Variants in CEP164 observed in about 807,000 individuals in gnomAD.
CEP164 encodes centrosomal protein 164, also known as centrosomal protein of 164 kDa.
A neutral mutation model predicts 182.7 loss-of-function variants in CEP164; 162 were observed. That is an observed-to-expected ratio of 0.89 (90% CI 0.78 to 1.01). The LOEUF (loss-of-function observed/expected upper bound fraction) is 1.01, where lower values mean the gene tolerates loss of function less well. Ranked by LOEUF, CEP164 falls within the 50% of genes least tolerant of loss-of-function variation. CEP164 has a pLI of 0.00. For missense variants in CEP164, 1,735 were observed against 1,790.4 expected (o/e 0.97, Z 0.56); for synonymous variants, 661 against 690.0 (o/e 0.96, Z 0.66).
chr11:117,344,436 G>C (rs550153341), intron 4 of CEP164, among the ~76,000 whole-genome samples, 159 bp downstream of exon 4: 67 of 152,162 alleles, frequency 4.4e-4, no homozygotes, highest in African/African-American at 1.6e-3. Flanking sequence ...GCTATTTCAG[G>C]CTTCAGTGTA....
At chr11:117,370,895 A>G (rs1397961787) in intron 8 of CEP164, among the ~76,000 whole-genome samples, 185 bp from the exon 9 acceptor site, 2 of 152,118 alleles carry the variant, frequency 1.3e-5, no homozygotes, top group Non-Finnish European at 2.9e-5. Flanking sequence ...TGGGCGACAG[A>G]GTAAGACTCT....
intron 10 of CEP164, among the ~76,000 whole-genome samples, chr11:117,374,346 T>C (rs2042521850): frequency 6.6e-6 from 1 of 152,172 alleles, no homozygotes; most frequent in Non-Finnish European, 1.5e-5. Context: ...GCCTGCTGTA[T>C]CCTGGTTTCA....
intron 30 of CEP164, chr11:117,410,204 T>A: frequency 1.6e-6 from 1 of 620,750 alleles, no homozygotes. Context: ...GTTGGGACGG[T>A]TTAGATGGAG....
chr11:117,336,748 G>A (rs1487128701), intron 2 of CEP164: 3 of 635,012 alleles, frequency 4.7e-6, no homozygotes, highest in African/African-American at 1.8e-5. Flanking sequence ...CATCCTTGCT[G>A]CTCCAGGAGG....
chr11:117,344,648 C>CACTTACA (rs2038627118), intron 4 of CEP164, among the ~76,000 whole-genome samples: 1 of 152,128 alleles, frequency 6.6e-6, no homozygotes, highest in Non-Finnish European at 1.5e-5. Flanking sequence ...CTGGTCTTGC[C>CACTTACA]GGGTACGGTG....
chr11:117,397,222 A>G lies in CEP164; in HGVS notation c.3410A>G (p.His1137Arg), dbSNP rs369215818. 6.2e-7 allele frequency: 1 copy of G among 1,614,246 alleles called. No individual in the cohort carries two copies. The highest frequency in any genetic ancestry group is 8.5e-7 in the Non-Finnish European group (1 of 1,180,050). ...RQTALKAAQQHWRHELASAQE... is the reference protein window; with the variant it reads ...RQTALKAAQQRWRHELASAQE... The stretch of plus-strand genomic sequence containing the variant: ...ACAGCTCTGAAAGCTGCCCAGCAGC[A>G]TTGGCGCCATGAGCTGGCCAGTGCG... Residue 1137 changes from histidine (H) to arginine (R), a missense_variant, in exon 27 of 33, where the codon CAT (histidine) becomes CGT (arginine). Physicochemically the swap from His to Arg is conservative, Grantham distance 29. Transcript: ENST00000278935.
chr11:117,362,426 C>G lies in CEP164; in HGVS notation c.575C>G (p.Ser192Cys). ...AAGCCTTCACAGGGTCTCAAGACCT[C>G]TGCTTATACAAAGGGTCTCTTGGGC... is the stretch of plus-strand genomic sequence containing the variant. ...LMLPSQGLKT[S>C]AYTKGLLGSI... Residue 192 changes from serine (S) to cysteine (C), a missense_variant, in exon 7 of 33, where the codon TCT (serine) becomes TGT (cysteine). Ser to Cys is a moderately radical substitution (Grantham distance 112). Transcript: ENST00000278935. 1.2e-6 allele frequency: 2 copies of G among 1,613,566 alleles called. No individual in the cohort carries two copies.
intron 4 of CEP164, among the ~76,000 whole-genome samples, chr11:117,349,895 C>G (rs984031136): frequency 2.6e-5 from 4 of 152,068 alleles, no homozygotes; most frequent in Non-Finnish European, 5.9e-5. Context: ...CTGCCTTAGC[C>G]TCCTGAGTAG....
chr11:117,345,889 G>C (rs2038821226), intron 4 of CEP164, among the ~76,000 whole-genome samples: 1 of 152,194 alleles, frequency 6.6e-6, no homozygotes, highest in Non-Finnish European at 1.5e-5. Context: ...GTTTCGCCAT[G>C]TTGGCCAGGC....
chr11:117,336,638 G>A lies in CEP164; in HGVS notation c.-22+958G>A, dbSNP rs1021665660. 48 of 1,127,174 alleles carry A rather than the reference G, an allele frequency of 4.3e-5. 1 individual carries two copies. The Middle Eastern group carries it at 1.1e-3, about 26-fold the overall frequency. 69.8% of individuals were successfully genotyped at this position (1,127,174 alleles called of 1,614,324 possible). ...TGGCATTGGGATTCCACATGTTTAG[G>A]TGTGTCCTCCAGCCTTTCCACGGCT... On this transcript the variant is annotated intron_variant, in intron 2 of 32. Coordinates refer to ENST00000278935, the MANE Select transcript of CEP164 (RefSeq NM_014956.5).
Position 117,411,594 on chromosome 11 carries a change from GGGCCTCCACCACTTTCCC to G in CEP164, c.4164-199_4164-182del. 1 of 620,038 alleles carries G rather than the reference GGGCCTCCACCACTTTCCC, an allele frequency of 1.6e-6. No homozygotes were observed. Among genetic ancestry groups the G allele is most frequent in the Non-Finnish European group, 2.7e-6 (1 of 374,950 alleles). The allele number at this position is 620,038 out of a possible 1,614,324, so 38.4% of individuals were successfully genotyped here. A position where few individuals can be genotyped will look rare whatever the true frequency, so the allele number is the denominator to read the frequency against. On this transcript the variant is annotated intron_variant, in intron 31 of 32. Coordinates refer to ENST00000278935, the MANE Select transcript of CEP164 (RefSeq NM_014956.5). This position sits in a 1 kb window ranked among gnomAD's most constrained non-coding sequence, Gnocchi z 4.4. ...CAGTAGCACCCAGCAAGGGGGCAGAGGGCCTCCACCACTTTCCCGTTTGGGAACTGTTCTGGAGGGGCA... is the reference window on the plus strand; with the variant it reads ...CAGTAGCACCCAGCAAGGGGGCAGAGGTTTGGGAACTGTTCTGGAGGGGCA...
chr11:117,396,797 A>G (rs1420606447), intron 26 of CEP164, among the ~76,000 whole-genome samples, 186 bp downstream of exon 26: 2 of 152,156 alleles, frequency 1.3e-5, no homozygotes, highest in Admixed American at 6.5e-5. Flanking sequence ...GCCCACTGTG[A>G]CCTTTGACAT....
Position 117,390,680 on chromosome 11 carries a change from G to A in CEP164, c.1935-97G>A, listed in dbSNP as rs1008629663. 3.4e-5 allele frequency: 49 copies of A among 1,460,340 alleles called. No homozygotes were observed. In the South Asian group the frequency reaches 4.8e-4, roughly 14 times the overall value. 90.5% of individuals were successfully genotyped at this position (1,460,340 alleles called of 1,614,324 possible). A position where few individuals can be genotyped will look rare whatever the true frequency, so the allele number is the denominator to read the frequency against. ...AAAGATTTAGGAAGTTTCTTAGGCA[G>A]GCAACAGGGCTATTGGAGGCTGAGA... On this transcript the variant is annotated intron_variant, in intron 15 of 32. Coordinates refer to ENST00000278935, the MANE Select transcript of CEP164 (RefSeq NM_014956.5).
chr11:117,378,927 G>A (rs2043026245), intron 11 of CEP164, among the ~76,000 whole-genome samples: 1 of 152,086 alleles, frequency 6.6e-6, no homozygotes, highest in East Asian at 1.9e-4. Flanking sequence ...TCTGACTCAG[G>A]GCTCAGTCCC....
In CEP164 at chr11:117,393,029, G is replaced by T. The variant is rs201901144; in HGVS notation, c.2519G>T (p.Arg840Leu). Residue 840 changes from arginine to leucine, a missense_variant, in exon 20 of 33, where the codon CGC (arginine) becomes CTC (leucine). Transcript: ENST00000278935. ...CTCAGCAGTCTCCTGCGAGAGAAGC[G>T]CCAGGAAGTGGAAGGGGAGCATGAG... Reference protein sequence around the residue: ...HELSSLLREKRQEVEGEHERR... With the variant: ...HELSSLLREKLQEVEGEHERR... 1.1e-4 allele frequency: 173 copies of T among 1,613,424 alleles called. No homozygotes were observed. Among genetic ancestry groups the T allele is most frequent in the Admixed American group, 3.3e-5 (2 of 60,000 alleles).
intron 30 of CEP164, chr11:117,410,584 G>C: frequency 2.4e-6 from 1 of 410,618 alleles, no homozygotes; most frequent in Non-Finnish European, 4.5e-6. Context: ...TGAGGATTAT[G>C]AAAAGCCATA....
rs1299435228 is a variant in CEP164, at chr11:117,395,073, C to T, written c.2845-50C>T. 3.7e-6 allele frequency: 6 copies of T among 1,612,494 alleles called. No homozygotes were observed. The African/African-American group carries it at 5.3e-5, about 14-fold the overall frequency. On this transcript the variant is annotated intron_variant, in intron 22 of 32. Transcript: ENST00000278935. ...CTAGCAGAGGGCAGGCTCTGCCCCT[C>T]AGACCTGGGGTCTGCAGTCAGCCAG...
chr11:117,348,530 A>C (rs2039245890), intron 4 of CEP164, among the ~76,000 whole-genome samples: 1 of 152,104 alleles, frequency 6.6e-6, no homozygotes, highest in African/African-American at 2.4e-5. Flanking sequence ...GTATCTTACC[A>C]CTATTTCCAC....
chr11:117,357,662 T>G (rs2040460628), intron 5 of CEP164, among the ~76,000 whole-genome samples: 1 of 152,128 alleles, frequency 6.6e-6, no homozygotes, highest in Non-Finnish European at 1.5e-5. Context: ...CCTCAAGTGA[T>G]CTGCCTGCTT....
Sources: gnomAD v4.1 joint callset for allele counts (sites outside exome capture counted in the v4.1 genomes callset) on GRCh38, gnomAD v4.1.1 for gene constraint, Gnocchi (gnomAD v3.1) non-coding constraint, MANE v1.5 for transcripts, NCBI Gene and HGNC (gene_info 2026-07-23, HGNC 2026-07-21) for gene names.